Variants in ZFHX3 observed in about 807,000 individuals in gnomAD.
The protein encoded by ZFHX3 is zinc finger homeobox protein 3.
Under a neutral mutation model 279.1 loss-of-function variants are expected in ZFHX3, and 42 were observed. That is an observed-to-expected ratio of 0.15 (90% CI 0.12 to 0.19). The LOEUF (loss-of-function observed/expected upper bound fraction) is 0.19, where lower values mean the gene tolerates loss of function less well. Among genes scored for constraint, ZFHX3 ranks in the 10% least tolerant of loss-of-function variants. ZFHX3 has a pLI of 1.00. For synonymous variants in ZFHX3, 2,293 were observed against 1,957.8 expected, an observed-to-expected ratio of 1.17 and a Z score of -4.52; for missense variants, 4,981 against 4,754.0, an observed-to-expected ratio of 1.05 and a Z score of -1.40.
intron 5 of ZFHX3, among the ~76,000 whole-genome samples, chr16:73,248,623 C>T (rs866930271): frequency 2.2e-5 from 3 of 138,864 alleles, no homozygotes; most frequent in Non-Finnish European, 3.1e-5. Context: ...TGTGTGTCTA[C>T]GTGCCTGTAT....
chr16:73,032,281 G>A (rs190820113), intron 1 of ZFHX3, among the ~76,000 whole-genome samples: 10 of 152,166 alleles, frequency 6.6e-5, no homozygotes, highest in African/African-American at 1.7e-4. Context: ...CAGCCTGGGC[G>A]ACTGAACAAG....
chr16:73,740,799 C>G (rs2053650011), intron 1 of ZFHX3, among the ~76,000 whole-genome samples: 2 of 152,132 alleles, frequency 1.3e-5, no homozygotes, highest in African/African-American at 4.8e-5. Flanking sequence ...AGCAGTACCC[C>G]TGCCTTCCAT....
intron 1 of ZFHX3, among the ~76,000 whole-genome samples, chr16:73,711,547 G>A (rs1325831650): frequency 6.6e-6 from 1 of 152,166 alleles, no homozygotes; most frequent in Non-Finnish European, 1.5e-5. Context: ...ACAGAGCCAA[G>A]GGGTCACCAA....
chr16:72,896,340 T>C (rs2038899747), intron 3 of ZFHX3, among the ~76,000 whole-genome samples: 1 of 152,224 alleles, frequency 6.6e-6, no homozygotes, highest in African/African-American at 2.4e-5. Flanking sequence ...CCAATGCTTC[T>C]GACACGAAAA....
At chr16:73,054,198 T>C (rs539789233) in intron 1 of ZFHX3, among the ~76,000 whole-genome samples, 18 of 152,322 alleles carry the variant, frequency 1.2e-4, no homozygotes, top group African/African-American at 4.3e-4. Context: ...CAGACAGTGT[T>C]GTCTAATGAG....
intron 1 of ZFHX3, among the ~76,000 whole-genome samples, chr16:73,783,020 T>G (rs963810050): frequency 6.6e-6 from 1 of 152,142 alleles, no homozygotes; most frequent in Non-Finnish European, 1.5e-5. Flanking sequence ...TGGGGCAATA[T>G]GGAAGTGCTA....
intron 4 of ZFHX3, among the ~76,000 whole-genome samples, chr16:73,306,172 T>A (rs992961486): frequency 6.6e-6 from 1 of 152,250 alleles, no homozygotes; most frequent in African/African-American, 2.4e-5. Context: ...AGAGTGTATA[T>A]GTGGCTCCAA....
chr16:72,948,845 C>T (rs976591185), intron 3 of ZFHX3, among the ~76,000 whole-genome samples: 1 of 152,140 alleles, frequency 6.6e-6, no homozygotes, highest in African/African-American at 2.4e-5. Context: ...TTGACCACGT[C>T]GGCACCATCC....
At chr16:73,159,441 G>T (rs1037289784) in intron 5 of ZFHX3, among the ~76,000 whole-genome samples, 2 of 152,116 alleles carry the variant, frequency 1.3e-5, no homozygotes, top group Admixed American at 6.5e-5. Context: ...AAGTATGTGT[G>T]CACCAGGGCT....
intron 2 of ZFHX3, among the ~76,000 whole-genome samples, chr16:73,576,785 T>A (rs1054034158): frequency 1.3e-5 from 2 of 152,174 alleles, no homozygotes; most frequent in African/African-American, 4.8e-5. Flanking sequence ...TAAACTCATG[T>A]CAGGAGGGTT....
intron 7 of ZFHX3, among the ~76,000 whole-genome samples, chr16:73,126,297 A>G (rs547881422): frequency 6.6e-6 from 1 of 152,192 alleles, no homozygotes; most frequent in African/African-American, 2.4e-5. Flanking sequence ...AAGCCAGGCA[A>G]TCAGCGAGAG....
At chr16:73,035,714 C>T (rs993214554) in intron 1 of ZFHX3, among the ~76,000 whole-genome samples, 13 of 152,142 alleles carry the variant, frequency 8.5e-5, no homozygotes, top group African/African-American at 3.1e-4. Flanking sequence ...GGCAAAACCC[C>T]GTCTCTACTA....
rs569646574 is a variant in ZFHX3, at chr16:73,780,233, C to T, written c.-1607-99993G>A. ...TGCGATCTTGGCTCACTGCAACCTC[C>T]GCCTCCTGGGTTCAAGTGATTCTTG... On this transcript the variant is annotated intron_variant, in intron 1 of 17. Coordinates refer to the ZFHX3 transcript ENST00000641206. Among the ~76,000 whole-genome samples, 21 of 142,492 alleles carry T rather than the reference C, an allele frequency of 1.5e-4. No individual in the cohort carries two copies. In the South Asian group the frequency reaches 4.0e-3, roughly 27 times the overall value. The allele number at this position is 142,492 out of a possible 152,430, so 93.5% of individuals were successfully genotyped here.
chr16:73,062,377 G>C (rs1965694579), upstream of ZFHX3: 1 of 152,166 alleles, frequency 6.6e-6, no homozygotes, highest in Admixed American at 6.5e-5. Context: ...GATATACAAG[G>C]TGTACATAAA....
intron 4 of ZFHX3, among the ~76,000 whole-genome samples, chr16:72,850,045 G>C (rs77424051): frequency 0.042 from 6,420 of 152,264 alleles, 458 homozygotes; most frequent in African/African-American, 0.14. Context: ...AAGAGGATTA[G>C]AGAAATCAGA....
intron 2 of ZFHX3, among the ~76,000 whole-genome samples, chr16:73,493,330 CT>C (rs1006539561): frequency 3.3e-5 from 5 of 152,036 alleles, no homozygotes; most frequent in South Asian, 2.1e-4. Context: ...TCTCATTATT[CT>C]TTTTTTTCCA....
At chr16:72,807,659 T>C (rs1054848704) in intron 7 of ZFHX3, 12 of 152,218 alleles carry the variant, frequency 7.9e-5, no homozygotes, top group South Asian at 2.1e-4. Flanking sequence ...AATTTACTTT[T>C]AGTGGGACTG....
At chr16:72,982,706 C>G (rs1216755557) in intron 1 of ZFHX3, among the ~76,000 whole-genome samples, 1 of 152,114 alleles carries the variant, frequency 6.6e-6, no homozygotes, top group Non-Finnish European at 1.5e-5. Context: ...AGAAACAAAT[C>G]CACTAAAGCA....
intron 1 of ZFHX3, among the ~76,000 whole-genome samples, chr16:73,009,485 C>T (rs1484997417): frequency 1.3e-5 from 2 of 151,810 alleles, no homozygotes; most frequent in African/African-American, 4.8e-5. Flanking sequence ...AAAAAAAAAA[C>T]TCATTCCATA....
Sources: gnomAD v4.1 joint callset for allele counts (sites outside exome capture counted in the v4.1 genomes callset) on GRCh38, gnomAD v4.1.1 for gene constraint, MANE v1.5 for transcripts, NCBI Gene and HGNC (gene_info 2026-07-23, HGNC 2026-07-21) for gene names.